FAM120C: variants seen among roughly 807,000 people sequenced by gnomAD.
FAM120C encodes the protein family with sequence similarity 120 member C.
FAM120C carries 14 observed loss-of-function variants against 71.2 expected under a neutral mutation model. The ratio of observed to expected loss-of-function variants is 0.20; its 90% CI spans 0.13 to 0.31. FAM120C has a LOEUF of 0.31. Ranked by LOEUF, FAM120C falls within the 10% of genes least tolerant of loss-of-function variation. FAM120C has a pLI of 1.00. For missense variants in FAM120C, 500 were observed against 879.0 expected, an observed-to-expected ratio of 0.57 and a Z score of 5.45; for synonymous variants, 354 against 353.2, an observed-to-expected ratio of 1.00 and a Z score of -0.03.
At chrX:54,164,817 A>T (rs113764234) in intron 1 of FAM120C, among the ~76,000 whole-genome samples, 3,179 of 111,863 alleles carry the variant, frequency 0.028, 121 homozygotes, top group African/African-American at 0.099. Flanking sequence ...TTTTTAATAT[A>T]TTAAGGAACC....
At chrX:54,173,384 G>A (rs1298526316) in intron 1 of FAM120C, among the ~76,000 whole-genome samples, 2 of 111,994 alleles carry the variant, frequency 1.8e-5, no homozygotes, top group African/African-American at 3.2e-5. Flanking sequence ...GAGTAGCTGG[G>A]ATTACAGGCA....
chrX:54,105,745 A>C (rs1436357281), intron 10 of FAM120C, among the ~76,000 whole-genome samples: 8 of 111,823 alleles, frequency 7.2e-5, no homozygotes, highest in Middle Eastern at 4.6e-3. Context: ...CAAAAATCGC[A>C]AGCATTCCTA....
intron 10 of FAM120C, among the ~76,000 whole-genome samples, chrX:54,111,684 C>G (rs986569208): frequency 4.5e-5 from 5 of 111,656 alleles, no homozygotes; most frequent in Admixed American, 1.9e-4. Context: ...TCGGAAGAAT[C>G]AATATTGTGA....
intron 9 of FAM120C, among the ~76,000 whole-genome samples, chrX:54,118,549 T>A (rs192561462): frequency 9.1e-6 from 1 of 109,991 alleles, no homozygotes; most frequent in East Asian, 2.8e-4. Flanking sequence ...AATGGCAGTA[T>A]CATTTTACAT....
chrX:54,115,819 T>C (rs1390551298), intron 10 of FAM120C, among the ~76,000 whole-genome samples: 1 of 111,694 alleles, frequency 9.0e-6, no homozygotes, highest in Non-Finnish European at 1.9e-5. Flanking sequence ...GCGGGGTGGC[T>C]CATGCCTGTA....
chrX:54,098,640 T>C (rs1487821422), intron 10 of FAM120C, among the ~76,000 whole-genome samples: 1 of 111,637 alleles, frequency 9.0e-6, no homozygotes, highest in Non-Finnish European at 1.9e-5. Flanking sequence ...TTATTTTATT[T>C]TGAGACAGAG....
intron 15 of FAM120C, among the ~76,000 whole-genome samples, chrX:54,077,711 C>T (rs922319236): frequency 9.0e-6 from 1 of 110,520 alleles, no homozygotes; most frequent in Admixed American, 9.8e-5. Context: ...AAATACTTCA[C>T]AGGGTATTTA....
chrX:54,078,986 C>G (rs1429004720), intron 15 of FAM120C, among the ~76,000 whole-genome samples: 2 of 108,117 alleles, frequency 1.8e-5, no homozygotes, highest in African/African-American at 6.7e-5. Flanking sequence ...AAAGTAAGAC[C>G]CTGTCTCTAC....
At chrX:54,167,331 A>G (rs1557135292) in intron 1 of FAM120C, among the ~76,000 whole-genome samples, 3 of 112,109 alleles carry the variant, frequency 2.7e-5, no homozygotes, top group Non-Finnish European at 5.6e-5. Context: ...GGTCCAGTTT[A>G]GTCGTTAACC....
chrX:54,148,280 TA>T (rs1326286798), intron 4 of FAM120C, among the ~76,000 whole-genome samples: 7 of 105,640 alleles, frequency 6.6e-5, no homozygotes, highest in African/African-American at 6.8e-5. Flanking sequence ...AAACCAATTT[TA>T]AAAAAAAAAG....
At chrX:54,158,154 C>T (rs2067219228) in intron 2 of FAM120C, among the ~76,000 whole-genome samples, 1 of 112,283 alleles carries the variant, frequency 8.9e-6, no homozygotes. Flanking sequence ...TAGCAGCCAC[C>T]AATTACTAAC....
At chrX:54,100,962 G>A (rs781876789) in intron 10 of FAM120C, among the ~76,000 whole-genome samples, 1 of 111,188 alleles carries the variant, frequency 9.0e-6, no homozygotes, top group African/African-American at 3.3e-5. Context: ...GCATTGCCCT[G>A]GTTGGAGACT....
At chrX:54,094,774 G>A (rs1363362009) in intron 10 of FAM120C, among the ~76,000 whole-genome samples, 1 of 110,404 alleles carries the variant, frequency 9.1e-6, no homozygotes, top group Non-Finnish European at 1.9e-5. Flanking sequence ...GTGCATGCCT[G>A]TAATCCCAGC....
chrX:54,129,974 A>C (rs2067055880), intron 9 of FAM120C, among the ~76,000 whole-genome samples: 1 of 107,206 alleles, frequency 9.3e-6, no homozygotes, highest in Admixed American at 1.0e-4. Context: ...GCAACAGTAC[A>C]GTCCAGCTTC....
chrX:54,164,208 A>T (rs1445139460), intron 1 of FAM120C, among the ~76,000 whole-genome samples: 1 of 111,854 alleles, frequency 8.9e-6, no homozygotes, highest in African/African-American at 3.2e-5. Context: ...CTGGGATTAG[A>T]GGCGTGAGCC....
Position 54,182,915 on chromosome X carries a change from C to T in FAM120C, c.284G>A (p.Gly95Asp), listed in dbSNP as rs2067360486. The change falls in exon 1 of 16, where the codon GGC (glycine) becomes GAC (aspartate). Residue 95 changes from glycine (G) to aspartate (D), a missense_variant. Gly to Asp is a moderately conservative substitution (Grantham distance 94). Coordinates refer to ENST00000375180, the MANE Select transcript of FAM120C (RefSeq NM_017848.6). ...HHPAHHFHHH[G>D]QAQPGLHPPL... The stretch of plus-strand genomic sequence containing the variant: ...AGGGTGCAGCCCGGGCTGCGCTTGG[C>T]CATGATGGTGGAAGTGGTGAGCGGG... 1 of 1,156,817 alleles carries T rather than the reference C, an allele frequency of 8.6e-7. No homozygotes were observed.
At position 54,085,771 on chromosome X, in the gene FAM120C, G is replaced by A. The variant is rs1157040445; in HGVS notation, c.2783C>T (p.Ser928Phe). The A allele has an allele frequency of 1.7e-6, 2 of 1,209,541 alleles. No individual in the cohort carries two copies. Among genetic ancestry groups the A allele is most frequent in the Non-Finnish European group, 2.2e-6 (2 of 895,200 alleles). The change falls in exon 13 of 16, where the codon TCC becomes TTC. Residue 928 changes from serine (S) to phenylalanine (F), a missense_variant. Physicochemically the swap from Ser to Phe is radical, Grantham distance 155. Transcript: ENST00000375180. ...AAGTGGCATGGAGCCCATAGCTCGG[G>A]AATAAAGTGAAACAGGGTAGAGAGA... Reference protein sequence around the residue: ...VPSLYPVSLYSRAMGSMPLPP... With the variant: ...VPSLYPVSLYFRAMGSMPLPP...
chrX:54,079,118 C>T (rs782651443), intron 15 of FAM120C, among the ~76,000 whole-genome samples: 2 of 109,411 alleles, frequency 1.8e-5, no homozygotes, highest in African/African-American at 3.3e-5. Flanking sequence ...AAAAATCAGC[C>T]GGGCGTGGTG....
intron 10 of FAM120C, among the ~76,000 whole-genome samples, chrX:54,095,462 C>T (rs1365533513): frequency 4.7e-5 from 5 of 106,491 alleles, no homozygotes; most frequent in African/African-American, 1.0e-4. Context: ...CCTCCCACCT[C>T]GGCCTCCTGA....
Sources: allele counts gnomAD v4.1 joint callset (sites outside exome capture counted in the v4.1 genomes callset), GRCh38; gene constraint gnomAD v4.1.1; transcripts MANE v1.5; gene names NCBI Gene and HGNC (gene_info 2026-07-23, HGNC 2026-07-21).